RPS6KC1: variants seen among roughly 807,000 people sequenced by gnomAD.
RPS6KC1 encodes the protein inactive ribosomal protein S6 kinase delta-1.
A neutral mutation model predicts 103.8 loss-of-function variants in RPS6KC1; 54 were observed. That is an observed-to-expected ratio of 0.52 (90% CI 0.42 to 0.65). The LOEUF is 0.65. RPS6KC1 is among the 30% of genes least tolerant of loss of function. The pLI is 0.00. For missense variants in RPS6KC1, 1,151 were observed against 1,253.8 expected (o/e 0.92, Z 1.24); for synonymous variants, 439 against 438.7 (o/e 1.00, Z -0.01).
At chr1:213,628,557 A>G in the RPS6KC1 span, among the ~76,000 whole-genome samples, 1 of 152,008 alleles carries the variant, frequency 6.6e-6, no homozygotes, top group South Asian at 2.1e-4. Context: ...TACATGTGCC[A>G]TGTTGTTGTG....
At chr1:213,402,603 A>G in the RPS6KC1 span, among the ~76,000 whole-genome samples, 3 of 152,274 alleles carry the variant, frequency 2.0e-5, no homozygotes, top group Admixed American at 1.3e-4. Context: ...TCTAAGTTCC[A>G]TGGAGTTAAG....
At chr1:213,197,895 T>A (rs985136460) in intron 8 of RPS6KC1, among the ~76,000 whole-genome samples, 2 of 152,198 alleles carry the variant, frequency 1.3e-5, no homozygotes, top group African/African-American at 4.8e-5. Context: ...TGGATTTTTA[T>A]TCATTCTGCC....
the RPS6KC1 span, among the ~76,000 whole-genome samples, chr1:213,327,482 G>C: frequency 6.6e-6 from 1 of 152,170 alleles, no homozygotes; most frequent in Non-Finnish European, 1.5e-5. Flanking sequence ...ATTCCACTCA[G>C]GTTTTTGGTC....
At chr1:213,666,122 A>G in the RPS6KC1 span, among the ~76,000 whole-genome samples, 7 of 152,214 alleles carry the variant, frequency 4.6e-5, no homozygotes, top group Non-Finnish European at 7.3e-5. Flanking sequence ...AAGAGCTTAT[A>G]GTCTAAGAGA....
chr1:213,542,768 T>C, the RPS6KC1 span, among the ~76,000 whole-genome samples: 560 of 152,342 alleles, frequency 3.7e-3, no homozygotes, highest in Non-Finnish European at 6.0e-3. Flanking sequence ...TAGTAATTTT[T>C]AACACCATAT....
chr1:213,515,645 G>T, the RPS6KC1 span, among the ~76,000 whole-genome samples: 1 of 152,162 alleles, frequency 6.6e-6, no homozygotes, highest in African/African-American at 2.4e-5. Context: ...TTGTAGTATA[G>T]TTTGAAGTCA....
intron 1 of RPS6KC1, among the ~76,000 whole-genome samples, chr1:213,052,040 CAGT>C (rs1240596170): frequency 6.6e-6 from 1 of 152,030 alleles, no homozygotes; most frequent in Non-Finnish European, 1.5e-5. Flanking sequence ...TCATGTTTTT[CAGT>C]AGGAGACGTG....
At chr1:213,263,191 T>C (rs2094838910) in intron 14 of RPS6KC1, among the ~76,000 whole-genome samples, 1 of 152,212 alleles carries the variant, frequency 6.6e-6, no homozygotes, top group South Asian at 2.1e-4. Flanking sequence ...TTCTTACTTA[T>C]AAGTTTACTC....
At chr1:213,328,503 ACTATATATATATAT>A in the RPS6KC1 span, among the ~76,000 whole-genome samples, 2 of 31,772 alleles carry the variant, frequency 6.3e-5, no homozygotes, top group African/African-American at 1.3e-4. Flanking sequence ...CAGCCATTAT[ACTATATATATATAT>A]ATATATATAT....
At chr1:213,389,853 G>A in the RPS6KC1 span, among the ~76,000 whole-genome samples, 1 of 152,124 alleles carries the variant, frequency 6.6e-6, no homozygotes, top group African/African-American at 2.4e-5. Flanking sequence ...GTGTTCTTTA[G>A]GGTTTTTTTT....
the RPS6KC1 span, among the ~76,000 whole-genome samples, chr1:213,696,462 G>A: frequency 2.5e-4 from 35 of 138,886 alleles, no homozygotes; most frequent in East Asian, 1.0e-3. Flanking sequence ...AGATCACGCC[G>A]TTGCACTCCA....
the RPS6KC1 span, among the ~76,000 whole-genome samples, chr1:213,721,141 C>T: frequency 6.6e-6 from 1 of 152,176 alleles, no homozygotes; most frequent in Non-Finnish European, 1.5e-5. Context: ...TAGACCTGTG[C>T]TTGTCCAGGG....
chr1:213,755,330 T>C, the RPS6KC1 span, among the ~76,000 whole-genome samples: 1 of 152,212 alleles, frequency 6.6e-6, no homozygotes, highest in Non-Finnish European at 1.5e-5. Flanking sequence ...CCAGAACTCC[T>C]AAGTACTCTT....
At chr1:213,855,888 G>T in the RPS6KC1 span, among the ~76,000 whole-genome samples, 1 of 152,234 alleles carries the variant, frequency 6.6e-6, no homozygotes, top group Non-Finnish European at 1.5e-5. Flanking sequence ...ATTGCTACAG[G>T]AGAGTGGCGG....
chr1:213,236,092 CA>C (rs2148899990), intron 10 of RPS6KC1, among the ~76,000 whole-genome samples: 1 of 152,248 alleles, frequency 6.6e-6, no homozygotes, highest in South Asian at 2.1e-4. Flanking sequence ...TTGTGAACTG[CA>C]CATGCGAGGG....
chr1:213,501,885 A>G, the RPS6KC1 span, among the ~76,000 whole-genome samples: 2 of 152,240 alleles, frequency 1.3e-5, no homozygotes, highest in South Asian at 2.1e-4. Context: ...ATTTGTCTCA[A>G]GCAACATGCA....
chr1:213,304,492 GTAT>G, the RPS6KC1 span, among the ~76,000 whole-genome samples: 2 of 150,676 alleles, frequency 1.3e-5, no homozygotes, highest in Non-Finnish European at 2.9e-5. Context: ...TGCATATTAT[GTAT>G]TATTATACAA....
the RPS6KC1 span, among the ~76,000 whole-genome samples, chr1:213,851,000 A>G: frequency 6.6e-6 from 1 of 152,064 alleles, no homozygotes; most frequent in African/African-American, 2.4e-5. Context: ...CGAATTTTCA[A>G]CTGTGTTTAT....
chr1:213,731,138 T>A, the RPS6KC1 span, among the ~76,000 whole-genome samples: 1 of 152,204 alleles, frequency 6.6e-6, no homozygotes, highest in Non-Finnish European at 1.5e-5. Context: ...ACCATGCTGT[T>A]TTGATTACTG....
Sources: gnomAD v4.1 joint callset for allele counts (sites outside exome capture counted in the v4.1 genomes callset) on GRCh38, gnomAD v4.1.1 for gene constraint, MANE v1.5 for transcripts, NCBI Gene and HGNC (gene_info 2026-07-23, HGNC 2026-07-21) for gene names.